The following XPO4 variants were observed in gnomAD, a reference collection of about 807,000 sequenced individuals.
XPO4 encodes exportin 4, also known as exportin-4.
Under a neutral mutation model 143.0 loss-of-function variants are expected in XPO4, and 39 were observed. That is an observed-to-expected ratio of 0.27 (90% CI 0.21 to 0.36). The LOEUF (loss-of-function observed/expected upper bound fraction) is 0.36, where lower values mean the gene tolerates loss of function less well. Ranked by LOEUF, XPO4 falls within the 10% of genes least tolerant of loss-of-function variation. The pLI is 1.00. For synonymous variants in XPO4, 439 were observed against 474.0 expected (o/e 0.93, Z 0.96); for missense variants, 907 against 1,348.0 (o/e 0.67, Z 5.12).
In XPO4 at chr13:20,857,738, A is replaced by C. The variant is rs1209192764; in HGVS notation, c.318-1973T>G. ...CGAGACTCCATCTCAAAAACAAACAAAAAAATCAAATCAGAAAATTAATGC... is the reference window on the plus strand; with the variant it reads ...CGAGACTCCATCTCAAAAACAAACACAAAAATCAAATCAGAAAATTAATGC... On this transcript the variant is annotated intron_variant, in intron 3 of 22. Transcript: ENST00000255305. 7.8e-6 allele frequency: 6 copies of C among 771,270 alleles called. No homozygotes were observed. In the South Asian group the frequency reaches 2.9e-4, roughly 38 times the overall value. 47.8% of individuals were successfully genotyped at this position (771,270 alleles called of 1,614,324 possible).
At chr13:20,816,393 G>A (rs1199959409) in intron 9 of XPO4, among the ~76,000 whole-genome samples, 1 of 152,186 alleles carries the variant, frequency 6.6e-6, no homozygotes, top group Non-Finnish European at 1.5e-5. Flanking sequence ...TAGGAATTTA[G>A]AAGTCTTTGA....
In XPO4 at chr13:20,857,415, T is replaced by C. The variant is rs545718806; in HGVS notation, c.318-1650A>G. 5.3e-5 allele frequency among the ~76,000 whole-genome samples: 8 copies of C among 152,248 alleles called. No individual in the cohort carries two copies. In the South Asian group the frequency reaches 1.4e-3, roughly 28 times the overall value. ...TCTAATCCCCATGATACTACTACTA[T>C]TATTCACTCCATTTAAAAATCAAAT... is the stretch of plus-strand genomic sequence containing the variant. On this transcript the variant is annotated intron_variant, in intron 3 of 22. Transcript: ENST00000255305.
Position 20,809,213 on chromosome 13 carries a change from C to A in XPO4, c.1363G>T (p.Val455Leu), listed in dbSNP as rs913010371. The A allele has an allele frequency of 3.1e-6, 5 of 1,613,506 alleles. No individual in the cohort carries two copies. In the Admixed American group the frequency reaches 8.3e-5, roughly 27 times the overall value. ...DGTRNLTANGVASREEEEISE... is the reference protein window; with the variant it reads ...DGTRNLTANGLASREEEEISE... ...ATTTCTTCCTCCTCACGAGAGGCCA[C>A]ACCATTGGCAGTCTATTGCAAGTAA... Residue 455 changes from valine (V) to leucine (L), a missense_variant, in exon 11 of 23, where the codon GTG (valine) becomes TTG (leucine). Physicochemically the swap from Val to Leu is conservative, Grantham distance 32. Coordinates refer to ENST00000255305, the MANE Select transcript of XPO4 (RefSeq NM_022459.5).
intron 3 of XPO4, among the ~76,000 whole-genome samples, chr13:20,862,049 A>C (rs1005837863): frequency 6.6e-6 from 1 of 152,096 alleles, no homozygotes; most frequent in Non-Finnish European, 1.5e-5. Flanking sequence ...GGCCTCCCAA[A>C]GTGCTGGGAT....
chr13:20,800,488 T>G (rs1286354567), intron 14 of XPO4, among the ~76,000 whole-genome samples, 163 bp from the exon 15 acceptor site: 1 of 152,042 alleles, frequency 6.6e-6, no homozygotes, highest in Non-Finnish European at 1.5e-5. Context: ...AAAAAAGACA[T>G]CCTCAATCCA....
intron 4 of XPO4, chr13:20,849,766 C>T (rs191627129): frequency 1.0e-6 from 1 of 985,202 alleles, no homozygotes; most frequent in East Asian, 1.1e-4. Flanking sequence ...CTTCTGAAAG[C>T]CTTTAAAGAA....
chr13:20,883,630 C>T (rs9509415), intron 1 of XPO4, among the ~76,000 whole-genome samples: 55,501 of 152,004 alleles, frequency 0.37, 11,602 homozygotes, highest in Non-Finnish European at 0.48. Context: ...AAGCATGTTC[C>T]TACAAATAAA....
intron 3 of XPO4, chr13:20,856,751 G>A (rs568454643): frequency 7.5e-6 from 6 of 797,428 alleles, no homozygotes; most frequent in East Asian, 1.3e-4. Flanking sequence ...CCACACACAC[G>A]CACAACTGCA....
intron 5 of XPO4, among the ~76,000 whole-genome samples, chr13:20,843,294 C>T (rs2059994967): frequency 6.6e-6 from 1 of 152,200 alleles, no homozygotes; most frequent in African/African-American, 2.4e-5. Flanking sequence ...TCTTTGACAA[C>T]TACTGCGGAG....
intron 1 of XPO4, among the ~76,000 whole-genome samples, chr13:20,899,329 T>C (rs78277016): frequency 2.3e-3 from 347 of 148,784 alleles, no homozygotes; most frequent in African/African-American, 7.6e-3. Flanking sequence ...AGAACCAACA[T>C]GGTTGAGTAA....
rs1265752120 is a variant in XPO4 at position 20,783,878 on chromosome 13, C to A, written c.3300G>T (p.Gln1100His). 3.1e-6 allele frequency: 5 copies of A among 1,614,048 alleles called. No homozygotes were observed. The South Asian group carries it at 3.3e-5, about 11-fold the overall frequency. ...ATCTCTGGTAAATAACTGGGTCTTG[C>A]TGACTTGATAGTAATGTTTCGACCA... ...SELVETLLSS[Q>H]QDPVIYQRLA... Residue 1100 changes from glutamine to histidine, a missense_variant, in exon 23 of 23, where the codon CAG becomes CAT. Transcript: ENST00000255305.
chr13:20,804,984 G>A (rs1406505339), intron 13 of XPO4, among the ~76,000 whole-genome samples: 3 of 150,228 alleles, frequency 2.0e-5, no homozygotes, highest in South Asian at 2.1e-4. Context: ...TTGCTGTGTC[G>A]CCCAGACTAG....
At chr13:20,785,396 G>C (rs2059187543) in intron 22 of XPO4, among the ~76,000 whole-genome samples, 1 of 152,092 alleles carries the variant, frequency 6.6e-6, no homozygotes, top group African/African-American at 2.4e-5. Context: ...AGGTGGCAAG[G>C]CATGGTGGCT....
At chr13:20,885,930 A>C (rs887226649) in intron 1 of XPO4, among the ~76,000 whole-genome samples, 1 of 152,248 alleles carries the variant, frequency 6.6e-6, no homozygotes, top group Non-Finnish European at 1.5e-5. Context: ...GCCATCTCAT[A>C]ATTATAAAAG....
At chr13:20,876,074 A>G (rs2060348292) in intron 1 of XPO4, among the ~76,000 whole-genome samples, 1 of 145,220 alleles carries the variant, frequency 6.9e-6, no homozygotes, top group Non-Finnish European at 1.5e-5. Flanking sequence ...ACATAGTGAA[A>G]CCCCATCTCT....
At chr13:20,817,781 G>C (rs1342571292) in intron 9 of XPO4, among the ~76,000 whole-genome samples, 1 of 152,116 alleles carries the variant, frequency 6.6e-6, no homozygotes, top group Non-Finnish European at 1.5e-5. Context: ...GTATTAATAT[G>C]AACAATTATT....
In XPO4 at chr13:20,780,015, ATTAAAACATTAT is replaced by A. The variant is rs2059122986; in HGVS notation, c.*3695_*3706del. The stretch of plus-strand genomic sequence containing the variant: ...GAATAACCACTTATATTTTAAAAAG[ATTAAAACATTAT>A]TATATCCTCAAATCAACAATGTTTT... On this transcript the variant is annotated 3_prime_UTR_variant, in exon 23 of 23. Coordinates refer to ENST00000255305, the MANE Select transcript of XPO4 (RefSeq NM_022459.5). 1 of 152,238 alleles carries A rather than the reference ATTAAAACATTAT, an allele frequency of 6.6e-6. No individual in the cohort carries two copies. The highest frequency in any genetic ancestry group is 1.5e-5 in the Non-Finnish European group (1 of 68,038). The allele number at this position is 152,238 out of a possible 1,614,324, so 9.4% of individuals were successfully genotyped here. A position where few individuals can be genotyped will look rare whatever the true frequency, so the allele number is the denominator to read the frequency against.
At chr13:20,857,966 A>T in intron 3 of XPO4, 18 of 985,340 alleles carry the variant, frequency 1.8e-5, no homozygotes, top group Non-Finnish European at 2.2e-5. Flanking sequence ...TTATTTATGT[A>T]ATAGTCTACT....
intron 1 of XPO4, among the ~76,000 whole-genome samples, chr13:20,888,655 T>G (rs1304710091): frequency 6.6e-6 from 1 of 151,376 alleles, no homozygotes; most frequent in Non-Finnish European, 1.5e-5. Flanking sequence ...CTGCACCCAG[T>G]CTGGTGGTCT....
Sources: allele counts gnomAD v4.1 joint callset (sites outside exome capture counted in the v4.1 genomes callset), GRCh38; gene constraint gnomAD v4.1.1; transcripts MANE v1.5; gene names NCBI Gene and HGNC (gene_info 2026-07-23, HGNC 2026-07-21).